Variants in DGKB observed in about 807,000 individuals in gnomAD.
DGKB encodes 90 kDa diacylglycerol kinase.
DGKB carries 67 observed loss-of-function variants against 114.3 expected under a neutral mutation model. The observed-to-expected ratio is 0.59, with a 90% confidence interval of 0.48 to 0.72. DGKB has a LOEUF of 0.72. Among genes scored for constraint, DGKB ranks in the 30% least tolerant of loss-of-function variants. The pLI is 0.00. For synonymous variants in DGKB, 398 were observed against 323.1 expected (o/e 1.23, Z -2.49); for missense variants, 907 against 975.2 (o/e 0.93, Z 0.93).
chr7:14,383,515 G>C (rs1819818018), intron 21 of DGKB, among the ~76,000 whole-genome samples: 1 of 152,110 alleles, frequency 6.6e-6, no homozygotes, highest in African/African-American at 2.4e-5. Flanking sequence ...TGGCTTTCCA[G>C]TGTCATCAGG....
intron 14 of DGKB, among the ~76,000 whole-genome samples, chr7:14,628,305 T>A (rs948230059): frequency 3.6e-4 from 35 of 98,102 alleles, no homozygotes; most frequent in African/African-American, 1.2e-3. Flanking sequence ...ATAACACAAG[T>A]TATGTGTGTG....
intron 23 of DGKB, among the ~76,000 whole-genome samples, chr7:14,266,428 G>A (rs896538339): frequency 6.6e-6 from 1 of 152,112 alleles, no homozygotes. Flanking sequence ...TAAAATATAT[G>A]TGGCTTACTG....
chr7:14,750,315 T>C, intron 4 of DGKB: 1 of 422,532 alleles, frequency 2.4e-6, no homozygotes, highest in South Asian at 1.7e-5. Context: ...GTCAAATTGG[T>C]CTGCCGTTTG....
At chr7:14,290,233 CAA>C (rs1288089864) in intron 23 of DGKB, among the ~76,000 whole-genome samples, 1 of 152,076 alleles carries the variant, frequency 6.6e-6, no homozygotes, top group Non-Finnish European at 1.5e-5. Context: ...ATCTGGAAAA[CAA>C]AAGAGTAAAA....
At chr7:14,420,405 A>G (rs1826472457) in intron 21 of DGKB, among the ~76,000 whole-genome samples, 1 of 152,082 alleles carries the variant, frequency 6.6e-6, no homozygotes, top group Non-Finnish European at 1.5e-5. Flanking sequence ...ATTTGCCAAT[A>G]TAACTGCTAG....
Position 14,619,783 on chromosome 7 carries a change from T to A in DGKB, c.1284+1595A>T, listed in dbSNP as rs928559364. On this transcript the variant is annotated intron_variant, in intron 15 of 25. Transcript: ENST00000402815. ...ATCAACATGATTTTGAAAATGATGA[T>A]AATAATGGTATTGATCTCATATGTT... Among the ~76,000 whole-genome samples, 3 of 151,678 alleles carry A rather than the reference T, an allele frequency of 2.0e-5. No individual in the cohort carries two copies. In the Admixed American group the frequency reaches 2.0e-4, roughly 10 times the overall value.
chr7:14,172,927 C>A (rs910751257), intron 25 of DGKB, among the ~76,000 whole-genome samples: 3 of 152,074 alleles, frequency 2.0e-5, no homozygotes, highest in African/African-American at 7.2e-5. Context: ...GTTCTACATG[C>A]TCAGGAGGAA....
chr7:14,593,063 T>G (rs1801965505), intron 17 of DGKB, among the ~76,000 whole-genome samples: 1 of 152,066 alleles, frequency 6.6e-6, no homozygotes, highest in Non-Finnish European at 1.5e-5. Flanking sequence ...GTGTAAATAA[T>G]TATGTTACCA....
intron 2 of DGKB, among the ~76,000 whole-genome samples, chr7:14,783,788 C>A (rs998431833): frequency 5.5e-4 from 84 of 152,204 alleles, no homozygotes; most frequent in Admixed American, 5.0e-3. Flanking sequence ...AGAGAACAGG[C>A]CTTGATAGAT....
intron 8 of DGKB, among the ~76,000 whole-genome samples, chr7:14,697,691 GAAGGAAGGAAGGAAGGAAAGAAAGAA>G (rs797012743): frequency 0.011 from 1,623 of 145,310 alleles, 45 homozygotes; most frequent in African/African-American, 0.04. Context: ...GAAAAGGAAG[GAAGGAAGGAAGGAAGGAAAGAAAGAA>G]AAGGAAGGAA....
chr7:14,752,720 T>C (rs939669219), intron 4 of DGKB, among the ~76,000 whole-genome samples: 3 of 152,138 alleles, frequency 2.0e-5, no homozygotes, highest in Non-Finnish European at 4.4e-5. Context: ...AGCTAGAGCT[T>C]ATTTTGACAT....
rs149120134 is a variant in DGKB at position 14,789,303 on chromosome 7, A to G, written c.71-31572T>C. On this transcript the variant is annotated intron_variant, in intron 2 of 25. Transcript: ENST00000402815. The stretch of plus-strand genomic sequence containing the variant: ...TGCTGCCCTTTAGTAATCATACACA[A>G]TTCCCTCTGTCTCTCACTTCCTCCT... Among the ~76,000 whole-genome samples the G allele has an allele frequency of 8.5e-5, 13 of 152,186 alleles. No homozygotes were observed. The East Asian group carries it at 2.1e-3, about 25-fold the overall frequency.
chr7:14,243,492 C>A (rs1793980912), intron 23 of DGKB, among the ~76,000 whole-genome samples: 1 of 152,158 alleles, frequency 6.6e-6, no homozygotes, highest in African/African-American at 2.4e-5. Flanking sequence ...TATCCTGATT[C>A]TTTTTAAAAA....
intron 2 of DGKB, among the ~76,000 whole-genome samples, chr7:14,758,903 AGAT>A (rs1309977572): frequency 1.4e-5 from 2 of 141,896 alleles, no homozygotes; most frequent in African/African-American, 3.1e-5. Context: ...ATAGATAGAT[AGAT>A]AGATAGATAG....
At chr7:14,729,338 G>A (rs769370167) in intron 5 of DGKB, among the ~76,000 whole-genome samples, 43 of 151,804 alleles carry the variant, frequency 2.8e-4, no homozygotes, top group South Asian at 8.3e-4. Context: ...TAGCCAGGAT[G>A]GTCTCGATCT....
intron 1 of DGKB, among the ~76,000 whole-genome samples, chr7:14,876,465 C>G (rs1041229044): frequency 3.3e-5 from 5 of 152,174 alleles, no homozygotes; most frequent in Admixed American, 1.3e-4. Flanking sequence ...TGGGCAAGGC[C>G]AACAACACTC....
rs370230474 is a variant in DGKB at position 14,223,544 on chromosome 7, A to C, written c.2123-45393T>G. On this transcript the variant is annotated intron_variant, in intron 23 of 25. Transcript: ENST00000402815. ...AAGAATAATATATATAAAAAAGGGC[A>C]ATGAATATGTATTTATACTATCTTT... Among the ~76,000 whole-genome samples, 111 of 151,910 alleles carry C rather than the reference A, an allele frequency of 7.3e-4. 1 individual carries two copies. The Middle Eastern group carries it at 0.017, about 23-fold the overall frequency.
Position 14,296,755 on chromosome 7 carries a change from G to A in DGKB, c.2122+41760C>T, listed in dbSNP as rs558135959. The stretch of plus-strand genomic sequence containing the variant: ...CCTTTAAAAAAATCAGTGAATCCAG[G>A]GACTGTTTTTTTTTTTTTTTTTTTT... On this transcript the variant is annotated intron_variant, in intron 23 of 25. Transcript: ENST00000402815. Among the ~76,000 whole-genome samples the A allele has an allele frequency of 8.8e-3, 1,063 of 120,662 alleles. 14 individuals are homozygous for A. Among genetic ancestry groups the A allele is most frequent in the African/African-American group, 0.031 (1,030 of 33,248 alleles). The allele number at this position is 120,662 out of a possible 152,430, so 79.2% of individuals were successfully genotyped here.
chr7:14,700,356 G>T (rs1350769874), intron 7 of DGKB, among the ~76,000 whole-genome samples: 1 of 151,940 alleles, frequency 6.6e-6, no homozygotes, highest in African/African-American at 2.4e-5. Flanking sequence ...TGGGATTACA[G>T]GTGCCCACTA....
Sources: gnomAD v4.1 joint callset for allele counts (sites outside exome capture counted in the v4.1 genomes callset) on GRCh38, gnomAD v4.1.1 for gene constraint, MANE v1.5 for transcripts, NCBI Gene and HGNC (gene_info 2026-07-23, HGNC 2026-07-21) for gene names.